The following XAGE2 variants were observed in gnomAD, a reference collection of about 807,000 sequenced individuals.
The protein encoded by XAGE2 is G antigen family D member 3.
In XAGE2, 7 loss-of-function variants were observed where a neutral mutation model predicts 9.9. The ratio of observed to expected loss-of-function variants is 0.71; its 90% CI spans 0.40 to 1.32. The LOEUF (loss-of-function observed/expected upper bound fraction) is 1.32, where lower values mean the gene tolerates loss of function less well. Ranked by LOEUF, XAGE2 falls within the 40% of genes most tolerant of loss-of-function variation. The probability of loss-of-function intolerance (pLI) is 0.01; values close to 1 mark genes in which losing one functional copy is unlikely to be tolerated. For synonymous variants in XAGE2, 31 were observed against 26.8 expected (o/e 1.16, Z -0.48); for missense variants, 85 against 81.0 (o/e 1.05, Z -0.19).
intron 4 of XAGE2, among the ~76,000 whole-genome samples, chrX:52,374,683 G>A (rs1921271065): frequency 8.9e-6 from 1 of 111,885 alleles, no homozygotes. Flanking sequence ...AAATTTGCTA[G>A]TTGTCCCTTG....
chrX:52,373,068 C>T (rs1334359581), intron 4 of XAGE2, among the ~76,000 whole-genome samples: 3 of 112,396 alleles, frequency 2.7e-5, no homozygotes, highest in African/African-American at 9.7e-5. Context: ...GGACAAATTC[C>T]ATAAATTCTA....
At chrX:52,369,954 A>G in intron 1 of XAGE2, 53 bp from the exon 2 acceptor site, 2 of 1,151,691 alleles carry the variant, frequency 1.7e-6, no homozygotes, top group South Asian at 1.8e-5. Context: ...AAAGTGGTCA[A>G]ATACAGCTAT....
At chrX:52,374,424 G>C (rs1190448739) in intron 4 of XAGE2, among the ~76,000 whole-genome samples, 2 of 111,154 alleles carry the variant, frequency 1.8e-5, no homozygotes, top group Non-Finnish European at 3.8e-5. Context: ...GTAGAGACGA[G>C]GTTTCGCCAT....
intron 4 of XAGE2, among the ~76,000 whole-genome samples, chrX:52,373,512 G>A (rs1429183221): frequency 3.6e-5 from 4 of 111,528 alleles, no homozygotes; most frequent in Non-Finnish European, 5.6e-5. Flanking sequence ...GGTGTAAGAT[G>A]CCTGTGCTAA....
At chrX:52,369,594 G>A (rs1236351334) in intron 1 of XAGE2, among the ~76,000 whole-genome samples, 1 of 111,780 alleles carries the variant, frequency 8.9e-6, no homozygotes, top group Non-Finnish European at 1.9e-5. Flanking sequence ...CCACCCTGGA[G>A]GTTCGAATGG....
In XAGE2 at chrX:52,375,580, T is replaced by C. The variant is rs1921294618; in HGVS notation, c.325T>C (p.Ser109Pro). Residue 109 changes from serine (S) to proline (P), a missense_variant, in exon 5 of 5, where the codon TCA becomes CCA. Coordinates refer to ENST00000286049, the MANE Select transcript of XAGE2 (RefSeq NM_130777.3). ...TGTTTCTATTACAGGTGAAGGGAAA[T>C]CACAGGTTTAAAGGAAGATAAGCTG... ...FKMPEAGEGK[S>P]QV 8.3e-7 allele frequency: 1 copy of C among 1,206,484 alleles called. No individual in the cohort carries two copies.
In XAGE2 at chrX:52,370,044, G is replaced by T. The variant is rs1921151547; in HGVS notation, c.30G>T (p.Arg10Ser). The T allele has an allele frequency of 8.2e-7, 1 of 1,212,159 alleles. No homozygotes were observed. Among genetic ancestry groups the T allele is most frequent in the Middle Eastern group, 2.3e-4 (1 of 4,355 alleles). MSWRGRSTYRPRPRRSLQPP... is the reference protein window; with the variant it reads MSWRGRSTYSPRPRRSLQPP... ...GTTGGCGAGGAAGATCAACATATAGGCCTAGGCCAAGAAGAAGTTTACAGC... is the reference window on the plus strand; with the variant it reads ...GTTGGCGAGGAAGATCAACATATAGTCCTAGGCCAAGAAGAAGTTTACAGC... The change falls in exon 2 of 5, where the codon AGG becomes AGT. Residue 10 changes from arginine (R) to serine (S), a missense_variant. Arg to Ser is a moderately radical substitution (Grantham distance 110). Coordinates refer to ENST00000286049, the MANE Select transcript of XAGE2 (RefSeq NM_130777.3).
intron 3 of XAGE2, 23 bp downstream of exon 3, chrX:52,370,695 A>C: frequency 8.4e-7 from 1 of 1,184,039 alleles, no homozygotes; most frequent in Non-Finnish European, 1.1e-6. Context: ...GAAAGAAATA[A>C]TGCCTATAGG....
rs1921166528 is a variant in XAGE2 at position 52,370,619 on chromosome X, A to C, written c.134A>C (p.Asn45Thr). ...GAGAAACCACCCACTAAAAGTCGGA[A>C]TCCTACACCTGATCAGAAGAGAGAA... Reference protein sequence around the residue: ...KEEKPPTKSRNPTPDQKREDD... With the variant: ...KEEKPPTKSRTPTPDQKREDD... Residue 45 changes from asparagine to threonine, a missense_variant, in exon 3 of 5, where the codon AAT becomes ACT. Coordinates refer to ENST00000286049, the MANE Select transcript of XAGE2 (RefSeq NM_130777.3). The C allele has an allele frequency of 1.7e-6, 2 of 1,209,909 alleles. No individual in the cohort carries two copies. Among genetic ancestry groups the C allele is most frequent in the Admixed American group, 4.4e-5 (2 of 45,721 alleles).
chrX:52,370,796 C>T (rs1921171183), intron 3 of XAGE2, 124 bp downstream of exon 3: 1 of 648,363 alleles, frequency 1.5e-6, no homozygotes, highest in Non-Finnish European at 2.4e-6. Flanking sequence ...AGCACTTGCT[C>T]AAAGTAGGCT....
Position 52,375,657 on chromosome X carries a change from T to C in XAGE2, c.*66T>C. On this transcript the variant is annotated 3_prime_UTR_variant, in exon 5 of 5. Transcript: ENST00000286049. ...GATATTTTACTTTAAAATATCTTAA[T>C]AAAGTTTTAAGCTTTTCTCCAAAGA... The C allele has an allele frequency of 2.0e-6, 2 of 979,729 alleles. No individual in the cohort carries two copies. Among genetic ancestry groups the C allele is most frequent in the South Asian group, 4.4e-5 (2 of 45,106 alleles). 80.7% of individuals were successfully genotyped at this position (979,729 alleles called of 1,213,427 possible).
intron 3 of XAGE2, 67 bp downstream of exon 3, chrX:52,370,739 G>A: frequency 1.0e-6 from 1 of 991,119 alleles, no homozygotes; most frequent in Non-Finnish European, 1.4e-6. Flanking sequence ...CATGCCTTAT[G>A]CCATGACCAG....
At position 52,372,749 on chromosome X, in the gene XAGE2, T is replaced by C. The variant is rs1921224357; in HGVS notation, c.313+80T>C. On this transcript the variant is annotated intron_variant, in intron 4 of 4. Transcript: ENST00000286049. ...TACTTTTGATCATAGAGAGATAATA[T>C]TACTGCCACTTTAATAACAGTGTTC... 11 of 1,107,250 alleles carry C rather than the reference T, an allele frequency of 9.9e-6. No homozygotes were observed. The Admixed American group carries it at 2.5e-4, about 25-fold the overall frequency. The allele number at this position is 1,107,250 out of a possible 1,213,427, so 91.2% of individuals were successfully genotyped here.
At position 52,372,689 on chromosome X, in the gene XAGE2, A is replaced by C. The variant is rs1005967156; in HGVS notation, c.313+20A>C. On this transcript the variant is annotated intron_variant, in intron 4 of 4. Transcript: ENST00000286049. ...AAGCAGGTGTGTTATTCATTAAGAC[A>C]CAAAGTTATGTGATTTCTATTTTTT... is the stretch of plus-strand genomic sequence containing the variant. 532 of 1,206,878 alleles carry C rather than the reference A, an allele frequency of 4.4e-4. 3 individuals carry two copies. The African/African-American group carries it at 8.1e-3, about 18-fold the overall frequency.
At position 52,372,581 on chromosome X, in the gene XAGE2, G is replaced by A; in HGVS notation, c.225G>A (p.Gln75=). ...AAGCCGATCTCCAGGAGCTATGTCA[G>A]ACAAAGACTGGGGATGGATGTGAAG... is the stretch of plus-strand genomic sequence containing the variant. ...DLEADLQELC[Q]TKTGDGCEGG... The change falls in exon 4 of 5, where the codon CAG becomes CAA. Residue 75 remains glutamine, a synonymous_variant. Transcript: ENST00000286049. 1 of 1,211,506 alleles carries A rather than the reference G, an allele frequency of 8.3e-7. No homozygotes were observed. Among genetic ancestry groups the A allele is most frequent in the Non-Finnish European group, 1.1e-6 (1 of 895,267 alleles).
At position 52,370,082 on chromosome X, in the gene XAGE2, T is replaced by C. The variant is rs1455217763; in HGVS notation, c.68T>C (p.Ile23Thr). The C allele has an allele frequency of 1.7e-6, 2 of 1,210,484 alleles. No individual in the cohort carries two copies. The highest frequency in any genetic ancestry group is 1.1e-6 in the Non-Finnish European group (1 of 895,042). ...AGAAGTTTACAGCCTCCTGAGCTGATTGGGGCTATGCTTGTGAGTGCTTTA... is the reference window on the plus strand; with the variant it reads ...AGAAGTTTACAGCCTCCTGAGCTGACTGGGGCTATGCTTGTGAGTGCTTTA... ...PRRSLQPPEL[I>T]GAMLEPTDEE... The change falls in exon 2 of 5, where the codon ATT (isoleucine) becomes ACT (threonine). Residue 23 changes from isoleucine (I) to threonine (T), a missense_variant. Ile to Thr is a moderately conservative substitution (Grantham distance 89). Transcript: ENST00000286049.
Position 52,370,474 on chromosome X carries a change from G to A in XAGE2, c.82-93G>A, listed in dbSNP as rs1430069668. On this transcript the variant is annotated intron_variant, in intron 2 of 4. Coordinates refer to ENST00000286049, the MANE Select transcript of XAGE2 (RefSeq NM_130777.3). ...GTGTCTTTAGACTTACTTGTGATTA[G>A]AAATACCTGTGTATTCTGTATATTT... 12 of 759,609 alleles carry A rather than the reference G, an allele frequency of 1.6e-5. No homozygotes were observed. In the African/African-American group the frequency reaches 2.5e-4, roughly 16 times the overall value. 62.6% of individuals were successfully genotyped at this position (759,609 alleles called of 1,213,427 possible).
chrX:52,372,903 C>T (rs1921227241), intron 4 of XAGE2, among the ~76,000 whole-genome samples: 1 of 112,191 alleles, frequency 8.9e-6, no homozygotes, highest in Admixed American at 9.5e-5. Context: ...CATTTTCTTA[C>T]TTCTGAGTAT....
intron 4 of XAGE2, among the ~76,000 whole-genome samples, chrX:52,373,082 C>A (rs1352095871): frequency 8.9e-6 from 1 of 112,285 alleles, no homozygotes; most frequent in Admixed American, 9.4e-5. Context: ...AATTCTACAC[C>A]CATCTTTGCT....
Sources: gnomAD v4.1 joint callset for allele counts (sites outside exome capture counted in the v4.1 genomes callset) on GRCh38, gnomAD v4.1.1 for gene constraint, MANE v1.5 for transcripts, NCBI Gene and HGNC (gene_info 2026-07-23, HGNC 2026-07-21) for gene names.